Variants in ROBO1 observed in about 807,000 individuals in gnomAD.
ROBO1 encodes roundabout guidance receptor 1, also known as roundabout homolog 1.
A neutral mutation model predicts 195.9 loss-of-function variants in ROBO1; 149 were observed. The ratio of observed to expected loss-of-function variants is 0.76; its 90% CI spans 0.67 to 0.87. The LOEUF is 0.87. ROBO1 is among the 40% of genes least tolerant of loss of function. The pLI, the probability that ROBO1 is intolerant of heterozygous loss-of-function variation, is 0.00. For missense variants in ROBO1, 1,933 were observed against 2,068.3 expected, an observed-to-expected ratio of 0.93 and a Z score of 1.27; for synonymous variants, 816 against 733.2, an observed-to-expected ratio of 1.11 and a Z score of -1.82.
At chr3:79,409,289 T>C (rs2037675351) in intron 2 of ROBO1, among the ~76,000 whole-genome samples, 1 of 152,112 alleles carries the variant, frequency 6.6e-6, no homozygotes, top group African/African-American at 2.4e-5. Flanking sequence ...ATAAAGTCTC[T>C]GATATAGGCA....
At chr3:78,729,141 C>A (rs529861359) in intron 5 of ROBO1, among the ~76,000 whole-genome samples, 2 of 152,308 alleles carry the variant, frequency 1.3e-5, no homozygotes, top group South Asian at 2.1e-4. Context: ...TCCTAAATTT[C>A]TCATTTCTTC....
intron 8 of ROBO1, among the ~76,000 whole-genome samples, chr3:78,704,922 CAT>C (rs1183189397): frequency 9.8e-5 from 15 of 152,290 alleles, no homozygotes; most frequent in African/African-American, 3.4e-4. Flanking sequence ...TGCTAATTCA[CAT>C]GTTAGAAAAT....
chr3:79,250,132 T>G (rs1576876170), intron 2 of ROBO1, among the ~76,000 whole-genome samples: 1 of 152,278 alleles, frequency 6.6e-6, no homozygotes, highest in South Asian at 2.1e-4. Context: ...TACAGAATAT[T>G]AGAAGATATC....
At chr3:79,641,281 T>C (rs1945651136) in intron 1 of ROBO1, among the ~76,000 whole-genome samples, 1 of 152,202 alleles carries the variant, frequency 6.6e-6, no homozygotes, top group South Asian at 2.1e-4. Flanking sequence ...ATCTGAGATA[T>C]GGCTTAAATG....
chr3:79,318,797 T>A (rs1411682250), intron 2 of ROBO1, among the ~76,000 whole-genome samples: 1 of 152,208 alleles, frequency 6.6e-6, no homozygotes, highest in East Asian at 1.9e-4. Flanking sequence ...AAAGGAATAT[T>A]TTTGATGGAT....
chr3:78,795,204 C>T (rs1395209792), intron 4 of ROBO1, among the ~76,000 whole-genome samples: 1 of 152,046 alleles, frequency 6.6e-6, no homozygotes, highest in African/African-American at 2.4e-5. Context: ...ATCAATTACA[C>T]AAGAAAACAA....
intron 1 of ROBO1, among the ~76,000 whole-genome samples, chr3:79,658,792 G>A (rs1293323840): frequency 1.3e-5 from 2 of 150,046 alleles, no homozygotes; most frequent in Non-Finnish European, 3.0e-5. Flanking sequence ...TTTCTGAGAT[G>A]GAGTCTCGCT....
intron 1 of ROBO1, among the ~76,000 whole-genome samples, chr3:79,651,955 C>T (rs551308501): frequency 1.3e-5 from 2 of 152,032 alleles, no homozygotes; most frequent in East Asian, 3.9e-4. Flanking sequence ...TCAACTTATC[C>T]GTTGCAATGC....
chr3:79,510,794 G>A (rs543847570), intron 2 of ROBO1, among the ~76,000 whole-genome samples: 7 of 152,126 alleles, frequency 4.6e-5, no homozygotes, highest in Non-Finnish European at 5.9e-5. Flanking sequence ...AGATTTGGGG[G>A]ATACTGTATT....
At chr3:79,103,929 T>C (rs1277342240) in intron 3 of ROBO1, among the ~76,000 whole-genome samples, 2 of 151,780 alleles carry the variant, frequency 1.3e-5, no homozygotes, top group Non-Finnish European at 2.9e-5. Flanking sequence ...GCAAATATTA[T>C]ATTTGGTCAG....
At chr3:79,756,488 T>C (rs1576324561) in intron 1 of ROBO1, among the ~76,000 whole-genome samples, 1 of 140,852 alleles carries the variant, frequency 7.1e-6, no homozygotes, top group African/African-American at 2.7e-5. Flanking sequence ...TGGCAAAAAT[T>C]GCAGTGAGCC....
chr3:79,599,385 T>C (rs1022937615), intron 1 of ROBO1, among the ~76,000 whole-genome samples: 1 of 152,090 alleles, frequency 6.6e-6, no homozygotes, highest in Non-Finnish European at 1.5e-5. Flanking sequence ...TTAGAATTCA[T>C]AAATGCTTTT....
intron 2 of ROBO1, among the ~76,000 whole-genome samples, chr3:79,354,906 G>A (rs1469686154): frequency 3.3e-5 from 5 of 152,270 alleles, no homozygotes; most frequent in Admixed American, 1.3e-4. Context: ...GGTGGCTCAC[G>A]CCTGTAATCC....
intron 2 of ROBO1, among the ~76,000 whole-genome samples, chr3:79,583,391 T>C (rs1943720254): frequency 6.6e-6 from 1 of 151,992 alleles, no homozygotes; most frequent in African/African-American, 2.4e-5. Flanking sequence ...GTTCATATTA[T>C]CTACAAATTA....
intron 4 of ROBO1, among the ~76,000 whole-genome samples, chr3:78,750,270 G>C (rs1288775704): frequency 2.0e-5 from 3 of 151,792 alleles, no homozygotes; most frequent in Non-Finnish European, 2.9e-5. Context: ...TGGATAACAA[G>C]GTGAAACCCC....
chr3:79,749,896 G>C (rs1174244368), intron 1 of ROBO1, among the ~76,000 whole-genome samples: 2 of 152,210 alleles, frequency 1.3e-5, no homozygotes, highest in Non-Finnish European at 2.9e-5. Context: ...CCCACACAGA[G>C]TCCCTACTGG....
chr3:78,704,234 C>T (rs191242757), intron 8 of ROBO1, among the ~76,000 whole-genome samples: 10 of 152,182 alleles, frequency 6.6e-5, no homozygotes, highest in Non-Finnish European at 5.9e-5. Context: ...GGAAGCTGTT[C>T]CAACAAATGA....
chr3:79,402,542 C>A (rs1002270183), intron 2 of ROBO1, among the ~76,000 whole-genome samples: 2 of 151,906 alleles, frequency 1.3e-5, no homozygotes, highest in Admixed American at 1.3e-4. Context: ...AACAAAGTCA[C>A]CGGTATTTGA....
chr3:79,310,533 G>A (rs549536679), intron 2 of ROBO1, among the ~76,000 whole-genome samples: 27 of 152,176 alleles, frequency 1.8e-4, no homozygotes, highest in Admixed American at 5.2e-4. Flanking sequence ...GCAATTTTAC[G>A]TTTTTCAGAG....
Sources: allele counts gnomAD v4.1 joint callset (sites outside exome capture counted in the v4.1 genomes callset), GRCh38; gene constraint gnomAD v4.1.1; transcripts MANE v1.5; gene names NCBI Gene and HGNC (gene_info 2026-07-23, HGNC 2026-07-21).